The following KIF21A variants were observed in gnomAD, a reference collection of about 807,000 sequenced individuals.
KIF21A encodes the protein kinesin family member 21A.
A neutral mutation model predicts 202.9 loss-of-function variants in KIF21A; 114 were observed. The observed-to-expected ratio is 0.56, with a 90% CI of 0.48 to 0.66. KIF21A has a LOEUF of 0.66. KIF21A is among the 30% of genes least tolerant of loss of function. The pLI is 0.00. For synonymous variants in KIF21A, 667 were observed against 670.8 expected (o/e 0.99, Z 0.09); for missense variants, 1,677 against 1,994.9 (o/e 0.84, Z 3.04).
intron 28 of KIF21A, 149 bp from the exon 29 acceptor site, chr12:39,318,350 C>CT (rs1418545598): frequency 1.3e-6 from 1 of 751,622 alleles, no homozygotes; most frequent in Non-Finnish European, 2.1e-6. Flanking sequence ...AAAATGCATT[C>CT]TGAACAATTT....
At chr12:39,429,603 T>C (rs972604487) in intron 1 of KIF21A, among the ~76,000 whole-genome samples, 4 of 152,184 alleles carry the variant, frequency 2.6e-5, no homozygotes, top group African/African-American at 9.7e-5. Context: ...TTATTCTGAG[T>C]GCTTTATGTC....
At chr12:39,387,556 C>A (rs1025303726) in intron 1 of KIF21A, among the ~76,000 whole-genome samples, 3 of 152,222 alleles carry the variant, frequency 2.0e-5, no homozygotes, top group Admixed American at 2.0e-4. Flanking sequence ...GGTTTCCTAT[C>A]TTCCCCTTTC....
At chr12:39,358,986 G>A (rs897388364) in intron 7 of KIF21A, among the ~76,000 whole-genome samples, 2 of 152,116 alleles carry the variant, frequency 1.3e-5, no homozygotes, top group Non-Finnish European at 2.9e-5. Flanking sequence ...GAAATGCTAA[G>A]TATGCCCCAT....
chr12:39,348,771 C>T (rs1391435875), intron 11 of KIF21A, among the ~76,000 whole-genome samples: 1 of 151,520 alleles, frequency 6.6e-6, no homozygotes, highest in Non-Finnish European at 1.5e-5. Flanking sequence ...AAACTCACAG[C>T]CACAACAAGA....
chr12:39,345,066 C>A (rs1947775574), intron 12 of KIF21A, among the ~76,000 whole-genome samples: 1 of 152,124 alleles, frequency 6.6e-6, no homozygotes, highest in African/African-American at 2.4e-5. Context: ...CCACCTCAGT[C>A]CTACTGAATC....
At chr12:39,323,296 C>T (rs1427283328) in intron 26 of KIF21A, among the ~76,000 whole-genome samples, 3 of 151,728 alleles carry the variant, frequency 2.0e-5, no homozygotes, top group East Asian at 1.9e-4. Flanking sequence ...CTGCCACTTG[C>T]GGCCAGCTCC....
intron 24 of KIF21A, among the ~76,000 whole-genome samples, chr12:39,329,889 T>C (rs182872529): frequency 3.3e-5 from 5 of 152,248 alleles, no homozygotes; most frequent in African/African-American, 1.2e-4. Flanking sequence ...ACCATAGATG[T>C]ACGTTAATAG....
At chr12:39,382,470 A>G (rs941203535) in intron 1 of KIF21A, among the ~76,000 whole-genome samples, 5 of 152,192 alleles carry the variant, frequency 3.3e-5, no homozygotes, top group East Asian at 1.9e-4. Context: ...AAATAAAAAC[A>G]TGAGTCATGT....
At chr12:39,361,464 A>C (rs919449915) in intron 7 of KIF21A, among the ~76,000 whole-genome samples, 1 of 152,118 alleles carries the variant, frequency 6.6e-6, no homozygotes, top group Non-Finnish European at 1.5e-5. Context: ...CTAATAGTAC[A>C]TAAAAGGAAG....
rs530486297 is a variant in KIF21A, at chr12:39,406,380, C to T, written c.45-36119G>A. ...TGCCAAAAGAAGTAGAATCAACAGA[C>T]AGGAAATTCAAAGGCTCCAAATAAA... On this transcript the variant is annotated intron_variant, in intron 1 of 37. Transcript: ENST00000361418. 3.0e-4 allele frequency among the ~76,000 whole-genome samples: 46 copies of T among 152,232 alleles called. No homozygotes were observed. The East Asian group carries it at 8.9e-3, about 29-fold the overall frequency.
At chr12:39,295,475 G>A (rs990876885) in intron 37 of KIF21A, among the ~76,000 whole-genome samples, 2 of 152,074 alleles carry the variant, frequency 1.3e-5, no homozygotes, top group Non-Finnish European at 1.5e-5. Context: ...AGGTTTAGTG[G>A]AGTGCCAATG....
intron 17 of KIF21A, 24 bp from the exon 18 acceptor site, chr12:39,333,304 G>A (rs1171330201): frequency 1.4e-6 from 2 of 1,443,130 alleles, no homozygotes; most frequent in East Asian, 2.3e-5. Context: ...TTAAATAAGT[G>A]GAAATAGTAA....
chr12:39,318,260 A>C, intron 28 of KIF21A, 59 bp from the exon 29 acceptor site: 2 of 1,539,272 alleles, frequency 1.3e-6, no homozygotes, highest in Non-Finnish European at 1.8e-6. Flanking sequence ...TTGTTAGAAA[A>C]GTTATAAGAA....
chr12:39,367,916 G>A lies in KIF21A; in HGVS notation c.567C>T (p.Gly189=), dbSNP rs771959463. Residue 189 remains glycine, a synonymous_variant, in exon 4 of 38, where the codon GGC becomes GGT. Transcript: ENST00000361418. ...CTGTATTCACAGTACGTGTTGTAACGCCCACAGTATAAATTCCTCCAGTTG... is the reference window on the plus strand; with the variant it reads ...CTGTATTCACAGTACGTGTTGTAACACCCACAGTATAAATTCCTCCAGTTG... The part of the protein sequence containing the change: ...EDSTGGIYTV[G]VTTRTVNTES... 6 of 1,608,680 alleles carry A rather than the reference G, an allele frequency of 3.7e-6. No individual in the cohort carries two copies. Among genetic ancestry groups the A allele is most frequent in the East Asian group, 2.2e-5 (1 of 44,700 alleles).
At chr12:39,388,816 T>C (rs1237811763) in intron 1 of KIF21A, among the ~76,000 whole-genome samples, 2 of 152,208 alleles carry the variant, frequency 1.3e-5, no homozygotes, top group Non-Finnish European at 2.9e-5. Context: ...AAAATCAGTG[T>C]TTTGTAAAAC....
chr12:39,353,623 C>T (rs1457846435), intron 10 of KIF21A, among the ~76,000 whole-genome samples: 1 of 151,936 alleles, frequency 6.6e-6, no homozygotes, highest in Non-Finnish European at 1.5e-5. Context: ...AATCAGCTAA[C>T]CATAATGATC....
intron 1 of KIF21A, among the ~76,000 whole-genome samples, chr12:39,394,051 C>T (rs1402011077): frequency 6.6e-6 from 1 of 152,220 alleles, no homozygotes; most frequent in African/African-American, 2.4e-5. Context: ...AGTATCTATA[C>T]TACTAAACCA....
chr12:39,336,940 T>G (rs116647223), intron 17 of KIF21A, among the ~76,000 whole-genome samples, 156 bp downstream of exon 17: 1 of 152,216 alleles, frequency 6.6e-6, no homozygotes, highest in Admixed American at 6.5e-5. Context: ...ATAATCCACA[T>G]ACTGTAATAA....
At position 39,326,319 on chromosome 12, in the gene KIF21A, C is replaced by A; in HGVS notation, c.3346G>T (p.Val1116Leu). 6.2e-7 allele frequency: 1 copy of A among 1,610,436 alleles called. No homozygotes were observed. Among genetic ancestry groups the A allele is most frequent in the Admixed American group, 1.7e-5 (1 of 60,010 alleles). Residue 1116 changes from valine (V) to leucine (L), a missense_variant, in exon 25 of 38, where the codon GTA becomes TTA. Physicochemically the swap from Val to Leu is conservative, Grantham distance 32 (BLOSUM62 1). Transcript: ENST00000361418. The part of the protein sequence containing the change: ...QDLDSVPLEN[V>L]EDSTDEDAPL... ...GCATCCTCATCAGTACTATCCTCTA[C>A]ATTTTCTACAAAAAAATGTTTAAAA...
Sources: allele counts gnomAD v4.1 joint callset (sites outside exome capture counted in the v4.1 genomes callset), GRCh38; gene constraint gnomAD v4.1.1; transcripts MANE v1.5; gene names NCBI Gene and HGNC (gene_info 2026-07-23, HGNC 2026-07-21).